The following SPPL3 variants were observed in gnomAD, a reference collection of about 807,000 sequenced individuals.
SPPL3 encodes signal peptide peptidase like 3, also known as signal peptide peptidase-like 3.
SPPL3 carries 5 observed loss-of-function variants against 42.4 expected under a neutral mutation model. That is an observed-to-expected ratio of 0.12 (90% CI 0.06 to 0.25). SPPL3 has a LOEUF of 0.25. Among genes scored for constraint, SPPL3 ranks in the 10% least tolerant of loss-of-function variants. The pLI, the probability that SPPL3 is intolerant of heterozygous loss-of-function variation, is 1.00. For synonymous variants in SPPL3, 195 were observed against 181.8 expected (o/e 1.07, Z -0.58); for missense variants, 235 against 489.0 (o/e 0.48, Z 4.90).
At chr12:120,821,980 G>A (rs952879950) in intron 1 of SPPL3, among the ~76,000 whole-genome samples, 10 of 142,638 alleles carry the variant, frequency 7.0e-5, no homozygotes, top group African/African-American at 1.2e-4. Context: ...GATGCTATGT[G>A]AAATAAACCA....
Position 120,791,575 on chromosome 12 carries a change from GTAGTT to G in SPPL3, c.102-23_102-19del. On this transcript the variant is annotated intron_variant, in intron 2 of 10. Transcript: ENST00000353487. ...TAAGGGACCTGTGGAAAAAAATTTT[GTAGTT>G]AAGTTGTAGTTTTGCTTACAAAAGA... 1 of 1,557,938 alleles carries G rather than the reference GTAGTT, an allele frequency of 6.4e-7. No homozygotes were observed. The highest frequency in any genetic ancestry group is 1.4e-5 in the African/African-American group (1 of 72,986).
rs562920003 is a variant in SPPL3 at position 120,788,114 on chromosome 12, C to T, written c.190+3355G>A. Reference sequence around the variant, plus strand: ...CTGCCTTCCAAAGTGACTGTGCTAACGCATGCTCTCCAGTAACGCAAGAGG... The same window carrying T: ...CTGCCTTCCAAAGTGACTGTGCTAATGCATGCTCTCCAGTAACGCAAGAGG... On this transcript the variant is annotated intron_variant, in intron 3 of 10. Transcript: ENST00000353487. 1.4e-4 allele frequency among the ~76,000 whole-genome samples: 22 copies of T among 152,272 alleles called. No homozygotes were observed. In the South Asian group the frequency reaches 2.7e-3, roughly 19 times the overall value.
intron 1 of SPPL3, among the ~76,000 whole-genome samples, chr12:120,833,550 C>T (rs1871500340): frequency 6.6e-6 from 1 of 151,644 alleles, no homozygotes; most frequent in African/African-American, 2.4e-5. Flanking sequence ...ATGAAACAAG[C>T]CAGGCGCAGT....
At chr12:120,809,630 C>T (rs1177380857) in intron 2 of SPPL3, among the ~76,000 whole-genome samples, 1 of 152,112 alleles carries the variant, frequency 6.6e-6, no homozygotes, top group Non-Finnish European at 1.5e-5. Context: ...CATTAAAGTT[C>T]CTCTCGACTG....
At chr12:120,900,221 G>A (rs1256985546) in intron 1 of SPPL3, among the ~76,000 whole-genome samples, 5 of 151,674 alleles carry the variant, frequency 3.3e-5, no homozygotes, top group South Asian at 2.1e-4. Context: ...ATTCTTCACC[G>A]AGTCCATCCT....
At chr12:120,834,962 A>C (rs1592986680) in intron 1 of SPPL3, among the ~76,000 whole-genome samples, 1 of 152,218 alleles carries the variant, frequency 6.6e-6, no homozygotes, top group African/African-American at 2.4e-5. Context: ...AAAACAGTAC[A>C]AATCTATTTT....
intron 1 of SPPL3, among the ~76,000 whole-genome samples, chr12:120,839,275 G>A (rs933822395): frequency 6.8e-6 from 1 of 146,882 alleles, no homozygotes; most frequent in Non-Finnish European, 1.5e-5. Flanking sequence ...ACCAAACACC[G>A]CATGTTCTCA....
At position 120,900,519 on chromosome 12, in the gene SPPL3, C is replaced by G. The variant is rs537804133; in HGVS notation, c.23+3326G>C. On this transcript the variant is annotated intron_variant, in intron 1 of 10. Transcript: ENST00000353487. ...ACTCAGGAGGCTGAGGTGGGAGGAT[C>G]GCTTAAGCCCTGGAGGCACTGCTGT... Among the ~76,000 whole-genome samples, 24 of 150,540 alleles carry G rather than the reference C, an allele frequency of 1.6e-4. 1 individual carries two copies. The highest frequency in any genetic ancestry group is 1.4e-3 in the Admixed American group (21 of 15,084).
intron 1 of SPPL3, among the ~76,000 whole-genome samples, chr12:120,877,583 C>T (rs1315701237): frequency 6.6e-6 from 1 of 151,986 alleles, no homozygotes; most frequent in Non-Finnish European, 1.5e-5. Context: ...GAGTTCAAGA[C>T]CAGCCTGGCC....
chr12:120,768,109 G>T (rs746945940), intron 8 of SPPL3, among the ~76,000 whole-genome samples: 10 of 152,224 alleles, frequency 6.6e-5, no homozygotes, highest in South Asian at 2.1e-4. Flanking sequence ...AGGCATGGCT[G>T]TTTGCTGACA....
At chr12:120,766,933 C>T (rs918254679) in intron 9 of SPPL3, among the ~76,000 whole-genome samples, 38 of 152,190 alleles carry the variant, frequency 2.5e-4, no homozygotes, top group African/African-American at 8.7e-4. Context: ...GTTGCATGTG[C>T]GGGCAGGTTA....
intron 2 of SPPL3, among the ~76,000 whole-genome samples, chr12:120,799,282 T>A (rs779339152): frequency 1.3e-5 from 2 of 152,230 alleles, no homozygotes; most frequent in Non-Finnish European, 2.9e-5. Flanking sequence ...GTGCTGAATA[T>A]TTCAAGTAAC....
chr12:120,883,131 C>T (rs1347806468), intron 1 of SPPL3, among the ~76,000 whole-genome samples: 2 of 151,922 alleles, frequency 1.3e-5, no homozygotes, highest in African/African-American at 2.4e-5. Flanking sequence ...GGCGAAACCC[C>T]GTCTCTACTA....
intron 1 of SPPL3, among the ~76,000 whole-genome samples, chr12:120,820,562 C>T (rs181585739): frequency 0.013 from 1,943 of 152,002 alleles, 51 homozygotes; most frequent in African/African-American, 0.045. Flanking sequence ...GTGATCTGCC[C>T]GCCTCGGCCT....
At chr12:120,780,900 A>G (rs1293451703) in intron 6 of SPPL3, among the ~76,000 whole-genome samples, 2 of 152,116 alleles carry the variant, frequency 1.3e-5, no homozygotes, top group Non-Finnish European at 2.9e-5. Context: ...ACAAAAGCGA[A>G]ACTCCCTCCC....
intron 2 of SPPL3, among the ~76,000 whole-genome samples, chr12:120,795,692 G>A (rs1339579797): frequency 2.6e-5 from 4 of 152,066 alleles, no homozygotes; most frequent in African/African-American, 9.7e-5. Flanking sequence ...GTGTCTTGGT[G>A]TAGTTTTCTT....
intron 1 of SPPL3, among the ~76,000 whole-genome samples, chr12:120,876,318 TTTTGAC>T (rs1873084168): frequency 6.6e-6 from 1 of 151,860 alleles, no homozygotes; most frequent in South Asian, 2.1e-4. Context: ...TTAGAAAATA[TTTTGAC>T]TTGAATGGGC....
intron 1 of SPPL3, among the ~76,000 whole-genome samples, chr12:120,872,554 G>T (rs77649761): frequency 0.012 from 1,754 of 152,206 alleles, 44 homozygotes; most frequent in African/African-American, 0.04. Context: ...GCCAGAATTT[G>T]CAGGACCCAG....
chr12:120,893,177 G>A (rs113458384), intron 1 of SPPL3, among the ~76,000 whole-genome samples: 6,331 of 151,842 alleles, frequency 0.042, 182 homozygotes, highest in South Asian at 0.11. Flanking sequence ...TGGGTCAGGT[G>A]CAGTGGCTCA....
Sources: allele counts gnomAD v4.1 joint callset (sites outside exome capture counted in the v4.1 genomes callset), GRCh38; gene constraint gnomAD v4.1.1; transcripts MANE v1.5; gene names NCBI Gene and HGNC (gene_info 2026-07-23, HGNC 2026-07-21).